The following PTPRD variants were observed in gnomAD, a reference collection of about 807,000 sequenced individuals.
The protein encoded by PTPRD is receptor-type tyrosine-protein phosphatase delta.
PTPRD carries 34 observed loss-of-function variants against 214.5 expected under a neutral mutation model. The ratio of observed to expected loss-of-function variants is 0.16; its 90% confidence interval spans 0.12 to 0.21. The LOEUF (loss-of-function observed/expected upper bound fraction) is 0.21. PTPRD is among the 10% of genes least tolerant of loss of function. The pLI is 1.00. For missense variants in PTPRD, 2,545 were observed against 2,398.7 expected (o/e 1.06, Z -1.27); for synonymous variants, 1,128 against 845.7 (o/e 1.33, Z -5.79).
intron 3 of PTPRD, among the ~76,000 whole-genome samples, chr9:10,195,234 G>A (rs765024608): frequency 2.6e-5 from 4 of 151,602 alleles, no homozygotes; most frequent in Admixed American, 6.6e-5. Flanking sequence ...ACAATGCCAG[G>A]CATGAGCCTT....
chr9:9,368,076 A>C (rs2058379453), intron 9 of PTPRD, among the ~76,000 whole-genome samples: 1 of 151,746 alleles, frequency 6.6e-6, no homozygotes, highest in Admixed American at 6.6e-5. Context: ...TATGGATCCC[A>C]TTTCAGTGTG....
intron 9 of PTPRD, among the ~76,000 whole-genome samples, chr9:9,295,486 A>C (rs995781307): frequency 4.0e-5 from 6 of 151,786 alleles, no homozygotes; most frequent in Non-Finnish European, 8.8e-5. Flanking sequence ...AGGAGAAAAC[A>C]GCTGTTTTGA....
chr9:10,089,909 T>G (rs1274660085), intron 3 of PTPRD, among the ~76,000 whole-genome samples: 1 of 151,642 alleles, frequency 6.6e-6, no homozygotes, highest in Non-Finnish European at 1.5e-5. Context: ...TATGATGTAA[T>G]TAAAAATATC....
At chr9:9,903,184 T>A (rs547672710) in intron 5 of PTPRD, among the ~76,000 whole-genome samples, 1 of 152,186 alleles carries the variant, frequency 6.6e-6, no homozygotes, top group Non-Finnish European at 1.5e-5. Context: ...ATATCTTGCA[T>A]AGCAGAAAGA....
At chr9:8,627,054 C>A (rs1189434571) in intron 14 of PTPRD, among the ~76,000 whole-genome samples, 1 of 151,760 alleles carries the variant, frequency 6.6e-6, no homozygotes, top group South Asian at 2.1e-4. Flanking sequence ...TTAGCTCTGT[C>A]TCACAGACTC....
rs368456531 is a variant in PTPRD, at chr9:10,264,931, T to G, written c.-545+76032A>C. Among the ~76,000 whole-genome samples the G allele has an allele frequency of 2.1e-4, 32 of 152,254 alleles. No individual in the cohort carries two copies. The East Asian group carries it at 2.7e-3, about 13-fold the overall frequency. ...ATGGTAGTGAATAAGTCTCATGAGATCTGATGGTTTTATAAGGGGTTTCCC... is the reference window on the plus strand; with the variant it reads ...ATGGTAGTGAATAAGTCTCATGAGAGCTGATGGTTTTATAAGGGGTTTCCC... On this transcript the variant is annotated intron_variant, in intron 3 of 45. Transcript: ENST00000381196.
intron 12 of PTPRD, among the ~76,000 whole-genome samples, chr9:8,723,086 C>G (rs1247555008): frequency 6.6e-6 from 1 of 152,100 alleles, no homozygotes; most frequent in Non-Finnish European, 1.5e-5. Context: ...TCCCTACATA[C>G]TCTCCTATAC....
At chr9:8,775,632 T>C (rs1374376832) in intron 11 of PTPRD, among the ~76,000 whole-genome samples, 1 of 152,244 alleles carries the variant, frequency 6.6e-6, no homozygotes, top group Non-Finnish European at 1.5e-5. Flanking sequence ...ACAGGTTTAC[T>C]GCATGGGCAT....
intron 7 of PTPRD, among the ~76,000 whole-genome samples, chr9:9,703,081 G>A (rs746918509): frequency 1.2e-4 from 19 of 152,150 alleles, no homozygotes; most frequent in Non-Finnish European, 2.5e-4. Context: ...ACTGATAAGA[G>A]GTGATTGGAT....
chr9:8,435,953 C>T (rs575584811), intron 35 of PTPRD, among the ~76,000 whole-genome samples: 1 of 152,254 alleles, frequency 6.6e-6, no homozygotes, highest in East Asian at 1.9e-4. Context: ...GTTTTCATGG[C>T]TTATAAAACC....
chr9:9,056,528 T>G (rs183737769), intron 10 of PTPRD, among the ~76,000 whole-genome samples: 120 of 152,336 alleles, frequency 7.9e-4, no homozygotes, highest in Middle Eastern at 3.4e-3. Context: ...ATTCTCCAGT[T>G]TCTTCTTAAT....
intron 11 of PTPRD, among the ~76,000 whole-genome samples, chr9:8,951,927 A>G (rs2099104112): frequency 6.6e-6 from 1 of 151,984 alleles, no homozygotes; most frequent in African/African-American, 2.4e-5. Context: ...AGAACTTACT[A>G]TGGTGTACAA....
At chr9:9,568,600 G>T (rs2085333627) in intron 8 of PTPRD, among the ~76,000 whole-genome samples, 1 of 151,860 alleles carries the variant, frequency 6.6e-6, no homozygotes, top group Non-Finnish European at 1.5e-5. Flanking sequence ...ACAACTCACT[G>T]AGTCATACAT....
intron 27 of PTPRD, among the ~76,000 whole-genome samples, chr9:8,491,807 C>T (rs759972079): frequency 6.6e-5 from 10 of 152,086 alleles, no homozygotes; most frequent in Non-Finnish European, 1.5e-4. Context: ...GAGCATGGCA[C>T]GCAGGAGGGC....
intron 4 of PTPRD, among the ~76,000 whole-genome samples, chr9:10,019,696 A>G (rs1283295344): frequency 1.4e-5 from 2 of 147,940 alleles, no homozygotes; most frequent in African/African-American, 2.5e-5. Context: ...TAAACACCGC[A>G]TGTTCTCACT....
chr9:8,895,560 A>T (rs2154246220), intron 11 of PTPRD, among the ~76,000 whole-genome samples: 1 of 152,282 alleles, frequency 6.6e-6, no homozygotes, highest in East Asian at 1.9e-4. Context: ...GAATAAATAA[A>T]ATCGAGAATA....
At chr9:10,363,317 G>A (rs2097432278) in intron 2 of PTPRD, among the ~76,000 whole-genome samples, 1 of 152,162 alleles carries the variant, frequency 6.6e-6, no homozygotes, top group Admixed American at 6.5e-5. Flanking sequence ...TAATAGATAT[G>A]ACTTTCAGCT....
chr9:9,294,660 A>G (rs1672849689), intron 9 of PTPRD, among the ~76,000 whole-genome samples: 1 of 151,664 alleles, frequency 6.6e-6, no homozygotes, highest in Non-Finnish European at 1.5e-5. Context: ...GAGGCCGTCT[A>G]TCAGCCAAGA....
intron 11 of PTPRD, among the ~76,000 whole-genome samples, chr9:8,852,011 A>G (rs2097826022): frequency 6.6e-6 from 1 of 151,858 alleles, no homozygotes; most frequent in African/African-American, 2.4e-5. Context: ...TGAAATCATT[A>G]CTAATACAAC....
Sources: allele counts gnomAD v4.1 joint callset (sites outside exome capture counted in the v4.1 genomes callset), GRCh38; gene constraint gnomAD v4.1.1; transcripts MANE v1.5; gene names NCBI Gene and HGNC (gene_info 2026-07-23, HGNC 2026-07-21).